ANKRD33B: variants seen among roughly 807,000 people sequenced by gnomAD.
The protein encoded by ANKRD33B is ankyrin repeat domain 33B.
Under a neutral mutation model 21.5 loss-of-function variants are expected in ANKRD33B, and 6 were observed. That is an observed-to-expected ratio of 0.28 (90% confidence interval 0.15 to 0.55). The LOEUF is 0.55. Ranked by LOEUF, ANKRD33B falls within the 20% of genes least tolerant of loss-of-function variation. The pLI is 0.94. For synonymous variants in ANKRD33B, 347 were observed against 342.4 expected, an observed-to-expected ratio of 1.01 and a Z score of -0.15; for missense variants, 698 against 747.2, an observed-to-expected ratio of 0.93 and a Z score of 0.77.
chr5:10,577,167 T>C (rs1735342129), intron 1 of ANKRD33B, among the ~76,000 whole-genome samples: 2 of 152,024 alleles, frequency 1.3e-5, no homozygotes, highest in Admixed American at 6.6e-5. Context: ...TTCACTCTTG[T>C]TGCCCAGTCT....
At position 10,649,277 on chromosome 5, in the gene ANKRD33B, C is replaced by T; in HGVS notation, c.649C>T (p.His217Tyr). 4 of 1,523,354 alleles carry T rather than the reference C, an allele frequency of 2.6e-6. No homozygotes were observed. The highest frequency in any genetic ancestry group is 3.5e-6 in the Non-Finnish European group (4 of 1,138,234). The allele number at this position is 1,523,354 out of a possible 1,614,324, so 94.4% of individuals were successfully genotyped here. ...RALMLAGADV[H>Y]ARDPRRGMSP... ...TTTGCGTTTTGCAGGGGCGGATGTC[C>T]ACGCGAGGGACCCCCGCCGTGGGAT... Residue 217 changes from histidine to tyrosine, a missense_variant, in exon 4 of 4, where the codon CAC becomes TAC. By Grantham distance (83) the His-to-Tyr change is moderately conservative. Coordinates refer to ENST00000296657, the MANE Select transcript of ANKRD33B (RefSeq NM_001164440.2).
chr5:10,583,654 C>T (rs1367388323), intron 1 of ANKRD33B, among the ~76,000 whole-genome samples: 6 of 152,262 alleles, frequency 3.9e-5, no homozygotes, highest in Admixed American at 1.3e-4. Context: ...GTATTTGGCA[C>T]GCCTCGCTGC....
rs1006405370 is a variant in ANKRD33B, at chr5:10,651,679, C to A, written c.*1566C>A. The stretch of plus-strand genomic sequence containing the variant: ...CCTATTTGGAGGCTCTGTACTATGA[C>A]CCTAATAACCCTAGATACATCATGA... On this transcript the variant is annotated 3_prime_UTR_variant, in exon 4 of 4. Transcript: ENST00000296657. 1.3e-5 allele frequency: 2 copies of A among 152,260 alleles called. No individual in the cohort carries two copies. The highest frequency in any genetic ancestry group is 2.9e-5 in the Non-Finnish European group (2 of 68,030). 9.4% of individuals were successfully genotyped at this position (152,260 alleles called of 1,614,324 possible). A position where few individuals can be genotyped will look rare whatever the true frequency, so the allele number is the denominator to read the frequency against.
At chr5:10,580,485 A>G (rs140927691) in intron 1 of ANKRD33B, among the ~76,000 whole-genome samples, 3 of 151,584 alleles carry the variant, frequency 2.0e-5, no homozygotes, top group African/African-American at 4.9e-5. Flanking sequence ...AGCACCATGG[A>G]TGTTTCTTGT....
At chr5:10,604,514 AAAAAAAAAAAG>A (rs558658853) in intron 1 of ANKRD33B, among the ~76,000 whole-genome samples, 1,918 of 150,782 alleles carry the variant, frequency 0.013, 25 homozygotes, top group Middle Eastern at 0.028. Flanking sequence ...CTTTTTGAAA[AAAAAAAAAAAG>A]AAAAAAAAAA....
At chr5:10,598,571 T>TTTTTG (rs199979917) in intron 1 of ANKRD33B, among the ~76,000 whole-genome samples, 1 of 152,092 alleles carries the variant, frequency 6.6e-6, no homozygotes, top group African/African-American at 2.4e-5. Context: ...CTGGCCATGA[T>TTTTTG]TTTTGTTTTG....
At chr5:10,597,682 A>G (rs1181624702) in intron 1 of ANKRD33B, among the ~76,000 whole-genome samples, 1 of 152,216 alleles carries the variant, frequency 6.6e-6, no homozygotes, top group East Asian at 1.9e-4. Flanking sequence ...TGGATCAAGC[A>G]GACCTCATAG....
intron 1 of ANKRD33B, among the ~76,000 whole-genome samples, chr5:10,615,351 G>A (rs1037480705): frequency 4.6e-5 from 7 of 152,156 alleles, no homozygotes; most frequent in South Asian, 4.1e-4. Flanking sequence ...CTGAGAAAAC[G>A]AGAAACAAAA....
intron 1 of ANKRD33B, among the ~76,000 whole-genome samples, chr5:10,580,515 CCT>C (rs1189016280): frequency 2.0e-5 from 3 of 152,210 alleles, no homozygotes; most frequent in South Asian, 2.1e-4. Flanking sequence ...CCAGCCCCAC[CCT>C]GCCACCCTTC....
In ANKRD33B at chr5:10,649,254, T is replaced by A. The variant is rs1223623134; in HGVS notation, c.638-12T>A. ...CCGCCACCCACTTCTGTTTGTGTTTTGCGTTTTGCAGGGGCGGATGTCCAC... is the reference window on the plus strand; with the variant it reads ...CCGCCACCCACTTCTGTTTGTGTTTAGCGTTTTGCAGGGGCGGATGTCCAC... On this transcript the variant is annotated splice_polypyrimidine_tract_variant and intron_variant, in intron 3 of 3. Coordinates refer to ENST00000296657, the MANE Select transcript of ANKRD33B (RefSeq NM_001164440.2). The A allele has an allele frequency of 6.6e-7, 1 of 1,510,940 alleles. No homozygotes were observed. The highest frequency in any genetic ancestry group is 2.5e-5 in the East Asian group (1 of 40,360). 93.6% of individuals were successfully genotyped at this position (1,510,940 alleles called of 1,614,324 possible).
At chr5:10,568,048 T>A (rs1352578298) in intron 1 of ANKRD33B, among the ~76,000 whole-genome samples, 1 of 152,344 alleles carries the variant, frequency 6.6e-6, no homozygotes, top group East Asian at 1.9e-4. Flanking sequence ...GCATTCCATT[T>A]GGTCTGGGTA....
At chr5:10,635,256 T>C (rs951022325) in intron 2 of ANKRD33B, among the ~76,000 whole-genome samples, 6 of 152,196 alleles carry the variant, frequency 3.9e-5, no homozygotes, top group African/African-American at 1.4e-4. Flanking sequence ...TGCAATTCAT[T>C]TTACTATGCC....
intron 1 of ANKRD33B, among the ~76,000 whole-genome samples, chr5:10,599,341 TGTG>T (rs988006903): frequency 1.3e-5 from 2 of 152,192 alleles, no homozygotes; most frequent in African/African-American, 4.8e-5. Flanking sequence ...TTTTTAAAAT[TGTG>T]GTGAAATATA....
At position 10,590,115 on chromosome 5, in the gene ANKRD33B, A is replaced by G. The variant is rs138193608; in HGVS notation, c.366+25282A>G. 7.9e-3 allele frequency among the ~76,000 whole-genome samples: 1,207 copies of G among 152,244 alleles called. 19 individuals are homozygous for G. Among genetic ancestry groups the G allele is most frequent in the African/African-American group, 0.027 (1,131 of 41,522 alleles). ...TCTTTATTGATTCTAGTTCTGTAATAAAGTTCCTCATTTGTCATTATTTGC... is the reference window on the plus strand; with the variant it reads ...TCTTTATTGATTCTAGTTCTGTAATGAAGTTCCTCATTTGTCATTATTTGC... On this transcript the variant is annotated intron_variant, in intron 1 of 3. Transcript: ENST00000296657.
intron 2 of ANKRD33B, among the ~76,000 whole-genome samples, chr5:10,624,365 A>G (rs1490646830): frequency 1.3e-5 from 2 of 152,118 alleles, no homozygotes; most frequent in Non-Finnish European, 2.9e-5. Context: ...CCTGACCTCA[A>G]GTGATCCGCC....
At chr5:10,577,826 G>A (rs1448113346) in intron 1 of ANKRD33B, among the ~76,000 whole-genome samples, 1 of 152,222 alleles carries the variant, frequency 6.6e-6, no homozygotes, top group Non-Finnish European at 1.5e-5. Flanking sequence ...AGTAGAGCCA[G>A]GTTCAGTTGA....
At chr5:10,598,807 C>T (rs1448156004) in intron 1 of ANKRD33B, among the ~76,000 whole-genome samples, 3 of 152,074 alleles carry the variant, frequency 2.0e-5, no homozygotes, top group Non-Finnish European at 4.4e-5. Context: ...AATCCCAACA[C>T]TTTGGGAGGC....
chr5:10,649,514 G>A lies in ANKRD33B; in HGVS notation c.886G>A (p.Val296Met), dbSNP rs1365510124. The change falls in exon 4 of 4, where the codon GTG (valine) becomes ATG (methionine). Residue 296 changes from valine (V) to methionine (M), a missense_variant. Val to Met is a conservative substitution (Grantham distance 21). Coordinates refer to ENST00000296657, the MANE Select transcript of ANKRD33B (RefSeq NM_001164440.2). ...GCTGTCCGTGCTGACGCCGCGCTCC[G>A]TGCGGGGCCCGGAGGACGGGGGCGT... ...CVLSVLTPRS[V>M]RGPEDGGVLD... The A allele has an allele frequency of 3.3e-6, 5 of 1,533,990 alleles. No individual in the cohort carries two copies. The highest frequency in any genetic ancestry group is 2.0e-5 in the Admixed American group (1 of 50,926).
chr5:10,623,966 TC>T (rs1471789670), intron 2 of ANKRD33B, among the ~76,000 whole-genome samples: 1 of 152,204 alleles, frequency 6.6e-6, no homozygotes, highest in African/African-American at 2.4e-5. Context: ...GAATACCTCT[TC>T]CACCTCACTG....
Sources: gnomAD v4.1 joint callset for allele counts (sites outside exome capture counted in the v4.1 genomes callset) on GRCh38, gnomAD v4.1.1 for gene constraint, MANE v1.5 for transcripts, NCBI Gene and HGNC (gene_info 2026-07-23, HGNC 2026-07-21) for gene names.